Variants in UBQLN1 observed in about 807,000 individuals in gnomAD.
UBQLN1 encodes ubiquilin 1, also known as ubiquilin-1.
UBQLN1 carries 13 observed loss-of-function variants against 65.4 expected under a neutral mutation model. The observed-to-expected ratio is 0.20, with a 90% CI of 0.13 to 0.32. UBQLN1 has a LOEUF of 0.32. UBQLN1 is among the 10% of genes least tolerant of loss of function. The pLI is 1.00. For synonymous variants in UBQLN1, 267 were observed against 247.8 expected, an observed-to-expected ratio of 1.08 and a Z score of -0.73; for missense variants, 561 against 724.0, an observed-to-expected ratio of 0.77 and a Z score of 2.58.
At chr9:83,697,146 G>T (rs1206329948) in intron 1 of UBQLN1, among the ~76,000 whole-genome samples, 1 of 151,908 alleles carries the variant, frequency 6.6e-6, no homozygotes, top group African/African-American at 2.4e-5. Context: ...GTGGATCGGT[G>T]AGGCCTCCCA....
rs1486693524 is a variant in UBQLN1, at chr9:83,695,449, C to T, written c.181-9294G>A. Among the ~76,000 whole-genome samples, 4 of 152,354 alleles carry T rather than the reference C, an allele frequency of 2.6e-5. No individual in the cohort carries two copies. The East Asian group carries it at 7.7e-4, about 29-fold the overall frequency. ...TCCTGACCTTGTGATCTGCCCACCTCAGCCTCCCGAAGTGCTGGACTTAAA... is the reference window on the plus strand; with the variant it reads ...TCCTGACCTTGTGATCTGCCCACCTTAGCCTCCCGAAGTGCTGGACTTAAA... On this transcript the variant is annotated intron_variant, in intron 1 of 10. Transcript: ENST00000376395.
At chr9:83,667,793 A>G (rs1831666264) in intron 7 of UBQLN1, 2 of 973,086 alleles carry the variant, frequency 2.1e-6, no homozygotes, top group Non-Finnish European at 2.4e-6. Flanking sequence ...GTCTTTTTAA[A>G]TATTTAAAAA....
intron 1 of UBQLN1, among the ~76,000 whole-genome samples, chr9:83,703,550 C>T (rs1832346725): frequency 6.6e-6 from 1 of 152,006 alleles, no homozygotes; most frequent in African/African-American, 2.4e-5. Context: ...TCCAAAGTCC[C>T]AAACACTTCT....
intron 1 of UBQLN1, among the ~76,000 whole-genome samples, chr9:83,694,266 AAT>A (rs1370626732): frequency 1.3e-5 from 2 of 152,186 alleles, no homozygotes; most frequent in Non-Finnish European, 2.9e-5. Flanking sequence ...GGATTCTCTA[AAT>A]AGTTATCTGA....
chr9:83,679,290 T>A (rs1831899712), intron 4 of UBQLN1, among the ~76,000 whole-genome samples: 1 of 152,224 alleles, frequency 6.6e-6, no homozygotes, highest in South Asian at 2.1e-4. Context: ...TTTATGCCTA[T>A]AAAGCCAACC....
chr9:83,695,201 CTT>C (rs36072668), intron 1 of UBQLN1, among the ~76,000 whole-genome samples: 37 of 133,418 alleles, frequency 2.8e-4, no homozygotes, highest in South Asian at 4.7e-4. Context: ...GCCCTCCCAC[CTT>C]TTTTTTTTTT....
At chr9:83,697,535 G>C (rs1332806540) in intron 1 of UBQLN1, among the ~76,000 whole-genome samples, 1 of 115,168 alleles carries the variant, frequency 8.7e-6, no homozygotes, top group Non-Finnish European at 1.7e-5. Context: ...CGGGGCAACA[G>C]TGCAAGACAC....
intron 10 of UBQLN1, among the ~76,000 whole-genome samples, chr9:83,662,591 C>T (rs1016997010): frequency 4.6e-5 from 7 of 152,084 alleles, no homozygotes; most frequent in Admixed American, 2.0e-4. Context: ...CCTAGGCCTA[C>T]CTGATAATTT....
At chr9:83,707,464 C>T (rs1832431563) in intron 1 of UBQLN1, 36 bp downstream of exon 1, 1 of 1,580,008 alleles carries the variant, frequency 6.3e-7, no homozygotes, top group Non-Finnish European at 8.6e-7. Flanking sequence ...GTCCTGCCGC[C>T]ACCCCCATCC....
At chr9:83,703,821 TA>T (rs1260937289) in intron 1 of UBQLN1, among the ~76,000 whole-genome samples, 1 of 152,174 alleles carries the variant, frequency 6.6e-6, no homozygotes, top group Non-Finnish European at 1.5e-5. Flanking sequence ...TATAGCACTG[TA>T]AAAAATTAAG....
intron 1 of UBQLN1, among the ~76,000 whole-genome samples, chr9:83,701,762 C>A (rs1277183273): frequency 6.6e-6 from 1 of 151,838 alleles, no homozygotes; most frequent in Non-Finnish European, 1.5e-5. Context: ...TTTGGCAGCT[C>A]CTCATAAAGC....
intron 7 of UBQLN1, chr9:83,668,694 G>T: frequency 1.1e-6 from 1 of 933,316 alleles, no homozygotes; most frequent in Non-Finnish European, 1.3e-6. Flanking sequence ...TTTTCAGCAG[G>T]GGAATCAATA....
At chr9:83,680,521 G>C (rs978002977) in intron 3 of UBQLN1, among the ~76,000 whole-genome samples, 1 of 151,876 alleles carries the variant, frequency 6.6e-6, no homozygotes, top group Non-Finnish European at 1.5e-5. Context: ...GGTGGAGATA[G>C]AGCTCTATGC....
chr9:83,699,446 T>C (rs1375782122), intron 1 of UBQLN1, among the ~76,000 whole-genome samples: 3 of 152,154 alleles, frequency 2.0e-5, no homozygotes, highest in Non-Finnish European at 2.9e-5. Flanking sequence ...GGGCTCAACC[T>C]TGCTGGACTA....
intron 8 of UBQLN1, among the ~76,000 whole-genome samples, chr9:83,665,848 C>T (rs1235370034): frequency 2.6e-5 from 4 of 152,136 alleles, no homozygotes; most frequent in African/African-American, 7.2e-5. Flanking sequence ...TATACTATAA[C>T]CTTCCTTACT....
chr9:83,688,839 C>T (rs1281096192), intron 1 of UBQLN1, among the ~76,000 whole-genome samples: 1 of 148,488 alleles, frequency 6.7e-6, no homozygotes, highest in Admixed American at 6.9e-5. Context: ...CCAGCCTGGG[C>T]GATGAGAGCG....
At chr9:83,679,214 C>A (rs1462302149) in intron 4 of UBQLN1, among the ~76,000 whole-genome samples, 1 of 152,204 alleles carries the variant, frequency 6.6e-6, no homozygotes, top group Non-Finnish European at 1.5e-5. Context: ...CCATTTTAAC[C>A]CTATTAGGAA....
At position 83,676,799 on chromosome 9, in the gene UBQLN1, T is replaced by C. The variant is rs904382318; in HGVS notation, c.1105+928A>G. Reference sequence around the variant, plus strand: ...ATCTCATCTTAGAGAAGTGCTCCCATGTCTCCATTTCTTCCTACTTATACG... The same window carrying C: ...ATCTCATCTTAGAGAAGTGCTCCCACGTCTCCATTTCTTCCTACTTATACG... On this transcript the variant is annotated intron_variant, in intron 6 of 10. Coordinates refer to ENST00000376395, the MANE Select transcript of UBQLN1 (RefSeq NM_013438.5). Among the ~76,000 whole-genome samples, 15 of 152,224 alleles carry C rather than the reference T, an allele frequency of 9.9e-5. No homozygotes were observed. In the South Asian group the frequency reaches 1.2e-3, roughly 13 times the overall value.
chr9:83,699,913 A>G (rs1832283577), intron 1 of UBQLN1, among the ~76,000 whole-genome samples: 1 of 152,188 alleles, frequency 6.6e-6, no homozygotes, highest in South Asian at 2.1e-4. Flanking sequence ...AATGGCTCTT[A>G]AATTTTCATA....
Sources: gnomAD v4.1 joint callset for allele counts (sites outside exome capture counted in the v4.1 genomes callset) on GRCh38, gnomAD v4.1.1 for gene constraint, MANE v1.5 for transcripts, NCBI Gene and HGNC (gene_info 2026-07-23, HGNC 2026-07-21) for gene names.